DCC: variants seen among roughly 807,000 people sequenced by gnomAD.
DCC encodes DCC netrin 1 receptor.
A neutral mutation model predicts 172.5 loss-of-function variants in DCC; 58 were observed. The observed-to-expected ratio is 0.34, with a 90% confidence interval of 0.27 to 0.42. The LOEUF (loss-of-function observed/expected upper bound fraction) is 0.42, where lower values mean the gene tolerates loss of function less well. Ranked by LOEUF, DCC falls within the 10% of genes least tolerant of loss-of-function variation. DCC has a pLI of 1.00. For synonymous variants in DCC, 709 were observed against 644.5 expected, an observed-to-expected ratio of 1.10 and a Z score of -1.52; for missense variants, 1,740 against 1,791.0, an observed-to-expected ratio of 0.97 and a Z score of 0.51.
intron 1 of DCC, among the ~76,000 whole-genome samples, chr18:52,606,301 T>C (rs1353542832): frequency 6.6e-6 from 1 of 152,088 alleles, no homozygotes; most frequent in Non-Finnish European, 1.5e-5. Context: ...GACCCAATTT[T>C]CTAGTCTATT....
intron 1 of DCC, among the ~76,000 whole-genome samples, chr18:52,475,088 G>T (rs1989056168): frequency 6.6e-6 from 1 of 152,180 alleles, no homozygotes; most frequent in Non-Finnish European, 1.5e-5. Flanking sequence ...ATTGACAAGT[G>T]AAGGGCCTGA....
At position 53,450,681 on chromosome 18, in the gene DCC, C is replaced by A; in HGVS notation, c.3392+19C>A. On this transcript the variant is annotated intron_variant, in intron 23 of 28. Coordinates refer to ENST00000442544, the MANE Select transcript of DCC (RefSeq NM_005215.4). ...AGAGAAAGTAGGTAACAGCTGGTTC[C>A]CAAGAGGAAAGAAGTCATTGTCTTT... 6.2e-7 allele frequency: 1 copy of A among 1,601,004 alleles called. No individual in the cohort carries two copies. Among genetic ancestry groups the A allele is most frequent in the Non-Finnish European group, 8.6e-7 (1 of 1,168,406 alleles).
intron 2 of DCC, among the ~76,000 whole-genome samples, chr18:52,777,659 C>CA (rs2037458489): frequency 6.6e-6 from 1 of 151,810 alleles, no homozygotes; most frequent in African/African-American, 2.4e-5. Flanking sequence ...GCAGTGGATG[C>CA]AAAATCAGGA....
chr18:52,452,150 C>A (rs894478482), intron 1 of DCC, among the ~76,000 whole-genome samples: 1 of 152,172 alleles, frequency 6.6e-6, no homozygotes, highest in African/African-American at 2.4e-5. Context: ...CACAAGGACT[C>A]AACTAAAGGC....
At chr18:53,092,427 A>T (rs1244967435) in intron 7 of DCC, among the ~76,000 whole-genome samples, 1 of 152,248 alleles carries the variant, frequency 6.6e-6, no homozygotes, top group East Asian at 1.9e-4. Flanking sequence ...ATCAATGACT[A>T]GTCTATGGTT....
At chr18:52,383,524 T>G (rs1985671488) in intron 1 of DCC, among the ~76,000 whole-genome samples, 1 of 152,108 alleles carries the variant, frequency 6.6e-6, no homozygotes, top group African/African-American at 2.4e-5. Context: ...TAGCATTTGT[T>G]TATATACATT....
chr18:52,859,884 G>C (rs2039112660), intron 2 of DCC, among the ~76,000 whole-genome samples: 1 of 152,162 alleles, frequency 6.6e-6, no homozygotes, highest in Admixed American at 6.6e-5. Context: ...ATTTGGGTTA[G>C]AGGTTCTTAG....
At chr18:53,481,824 T>C (rs2045835000) in intron 25 of DCC, among the ~76,000 whole-genome samples, 1 of 152,192 alleles carries the variant, frequency 6.6e-6, no homozygotes, top group Non-Finnish European at 1.5e-5. Flanking sequence ...AATACCAATG[T>C]GCCTTGTTCA....
Position 52,840,393 on chromosome 18 carries a change from C to T in DCC, c.413-65651C>T, listed in dbSNP as rs201528939. On this transcript the variant is annotated intron_variant, in intron 2 of 28. Transcript: ENST00000442544. The stretch of plus-strand genomic sequence containing the variant: ...AGAGAAATGATACCAATACTGTTTG[C>T]TTAGATTGATTTTCTGATTTACTAG... 1.6e-4 allele frequency among the ~76,000 whole-genome samples: 24 copies of T among 152,278 alleles called. No homozygotes were observed. In the East Asian group the frequency reaches 4.4e-3, roughly 28 times the overall value.
At chr18:52,361,982 G>A (rs1157278449) in intron 1 of DCC, among the ~76,000 whole-genome samples, 1 of 152,164 alleles carries the variant, frequency 6.6e-6, no homozygotes, top group African/African-American at 2.4e-5. Context: ...CTTCATTTAG[G>A]TCATGACACA....
chr18:53,322,841 T>A (rs998890227), intron 14 of DCC, among the ~76,000 whole-genome samples: 3 of 151,696 alleles, frequency 2.0e-5, no homozygotes, highest in Non-Finnish European at 4.4e-5. Flanking sequence ...GAATAAAACA[T>A]TAAATAATAA....
chr18:53,363,248 G>A (rs1379207941), intron 15 of DCC, among the ~76,000 whole-genome samples: 2 of 152,070 alleles, frequency 1.3e-5, no homozygotes, highest in Non-Finnish European at 2.9e-5. Flanking sequence ...TCTAGCAAGT[G>A]GAGCCAATTC....
chr18:52,691,413 C>T (rs979936617), intron 1 of DCC, among the ~76,000 whole-genome samples: 4 of 152,178 alleles, frequency 2.6e-5, no homozygotes, highest in Admixed American at 1.3e-4. Context: ...TCTCACAGTT[C>T]TGGAAGGTAG....
At chr18:52,640,011 C>A (rs1292218248) in intron 1 of DCC, among the ~76,000 whole-genome samples, 1 of 152,070 alleles carries the variant, frequency 6.6e-6, no homozygotes, top group African/African-American at 2.4e-5. Flanking sequence ...AGAAGATATT[C>A]CACCATGATA....
At chr18:53,519,419 T>G (rs2046374591) in intron 27 of DCC, among the ~76,000 whole-genome samples, 1 of 152,044 alleles carries the variant, frequency 6.6e-6, no homozygotes, top group African/African-American at 2.4e-5. Flanking sequence ...TTTCAAGGCC[T>G]ATTTGCAAAA....
chr18:52,461,100 T>G (rs1042019521), intron 1 of DCC, among the ~76,000 whole-genome samples: 1 of 152,238 alleles, frequency 6.6e-6, no homozygotes, highest in Non-Finnish European at 1.5e-5. Flanking sequence ...AAAAATATTT[T>G]TATTCCTTTG....
At chr18:53,528,545 T>C (rs188866658) in intron 28 of DCC, among the ~76,000 whole-genome samples, 8 of 152,212 alleles carry the variant, frequency 5.3e-5, no homozygotes, top group Non-Finnish European at 1.0e-4. Context: ...GGCAGCCAAA[T>C]TAAAATATTA....
intron 2 of DCC, among the ~76,000 whole-genome samples, chr18:52,858,106 C>G (rs1703059231): frequency 6.6e-6 from 1 of 152,212 alleles, no homozygotes; most frequent in Non-Finnish European, 1.5e-5. Flanking sequence ...TAGCGAGAAT[C>G]ATGCATTGTC....
rs376166319 is a variant in DCC at position 52,700,563 on chromosome 18, C to G, written c.92-51491C>G. 5.3e-4 allele frequency among the ~76,000 whole-genome samples: 81 copies of G among 152,338 alleles called. 1 individual carries two copies. Among genetic ancestry groups the G allele is most frequent in the African/African-American group, 1.9e-3 (79 of 41,584 alleles). On this transcript the variant is annotated intron_variant, in intron 1 of 28. Transcript: ENST00000442544. ...TGAATGCCTGCTATATTCTTTCTATCATGAACAAAGATTATCTTATGAATA... is the reference window on the plus strand; with the variant it reads ...TGAATGCCTGCTATATTCTTTCTATGATGAACAAAGATTATCTTATGAATA...
Sources: gnomAD v4.1 joint callset for allele counts (sites outside exome capture counted in the v4.1 genomes callset) on GRCh38, gnomAD v4.1.1 for gene constraint, MANE v1.5 for transcripts, NCBI Gene and HGNC (gene_info 2026-07-23, HGNC 2026-07-21) for gene names.